The following INSR variants were observed in gnomAD, a reference collection of about 807,000 sequenced individuals.
INSR encodes insulin receptor, also known as IR.
In INSR, 67 loss-of-function variants were observed where a neutral mutation model predicts 142.6. The ratio of observed to expected loss-of-function variants is 0.47; its 90% CI spans 0.39 to 0.58. The LOEUF (loss-of-function observed/expected upper bound fraction) is 0.58, where lower values mean the gene tolerates loss of function less well. Ranked by LOEUF, INSR falls within the 20% of genes least tolerant of loss-of-function variation. The pLI is 0.00. For synonymous variants in INSR, 756 were observed against 743.1 expected (o/e 1.02, Z -0.28); for missense variants, 1,248 against 1,833.2 (o/e 0.68, Z 5.83).
chr19:7,206,677 CAGG>C (rs1011827823), intron 2 of INSR, among the ~76,000 whole-genome samples: 2 of 152,110 alleles, frequency 1.3e-5, no homozygotes, highest in Admixed American at 1.3e-4. Context: ...TGCAAGAACC[CAGG>C]AGGAGGAGGT....
intron 2 of INSR, among the ~76,000 whole-genome samples, chr19:7,198,507 C>CGGGAGGAGATCGG (rs1974856518): frequency 6.6e-6 from 1 of 152,156 alleles, no homozygotes. Context: ...GGCGTGTGCC[C>CGGGAGGAGATCGG]GGGAGGAGAT....
intron 9 of INSR, among the ~76,000 whole-genome samples, 186 bp from the exon 10 acceptor site, chr19:7,153,113 CAA>C: frequency 7.7e-6 from 1 of 129,410 alleles, no homozygotes; most frequent in African/African-American, 3.0e-5. Context: ...CACAAACACA[CAA>C]CCACACACAC....
intron 1 of INSR, among the ~76,000 whole-genome samples, chr19:7,277,075 A>G (rs1317340868): frequency 6.6e-6 from 1 of 152,008 alleles, no homozygotes; most frequent in East Asian, 1.9e-4. Flanking sequence ...AAACCTACAA[A>G]GAAGAGATGA....
intron 9 of INSR, among the ~76,000 whole-genome samples, chr19:7,156,700 T>TA (rs1487891401): frequency 1.3e-5 from 2 of 151,750 alleles, no homozygotes; most frequent in Admixed American, 1.3e-4. Context: ...AAAGGGAATT[T>TA]AAAAATTAAT....
chr19:7,222,030 A>G lies in INSR; in HGVS notation c.653-37393T>C, dbSNP rs1975637494. Among the ~76,000 whole-genome samples, 4 of 145,374 alleles carry G rather than the reference A, an allele frequency of 2.8e-5. No homozygotes were observed. The Admixed American group carries it at 2.8e-4, about 10-fold the overall frequency. ...CACCAGGCACATGATCCTCCTAGCA[A>G]TTTTTTCATTTTTCTGCACAGCACC... On this transcript the variant is annotated intron_variant, in intron 2 of 21. Coordinates refer to ENST00000302850, the MANE Select transcript of INSR (RefSeq NM_000208.4).
chr19:7,201,921 A>T (rs1022088256), intron 2 of INSR, among the ~76,000 whole-genome samples: 2 of 152,022 alleles, frequency 1.3e-5, no homozygotes, highest in African/African-American at 4.8e-5. Flanking sequence ...TCGGCCTCCC[A>T]AAGTGTTGGG....
At chr19:7,190,822 G>A (rs1042106192) in intron 2 of INSR, among the ~76,000 whole-genome samples, 1 of 152,104 alleles carries the variant, frequency 6.6e-6, no homozygotes, top group Non-Finnish European at 1.5e-5. Context: ...AAGTAATAGT[G>A]CACTGGACAT....
intron 2 of INSR, 150 bp from the exon 3 acceptor site, chr19:7,184,787 C>T (rs935653692): frequency 4.3e-5 from 22 of 506,504 alleles, no homozygotes; most frequent in African/African-American, 2.2e-4. Flanking sequence ...ACAGTAAAAG[C>T]GGCACGTCTA....
intron 3 of INSR, among the ~76,000 whole-genome samples, chr19:7,175,487 A>G (rs1280722960): frequency 6.6e-6 from 1 of 152,052 alleles, no homozygotes; most frequent in African/African-American, 2.4e-5. Flanking sequence ...CGGCATCCCT[A>G]GGCTCCACTC....
intron 1 of INSR, among the ~76,000 whole-genome samples, chr19:7,293,522 G>C (rs1298057012): frequency 6.6e-6 from 1 of 152,236 alleles, no homozygotes. Context: ...GCGCGCTCCA[G>C]AGAGGAGCCC....
At chr19:7,278,770 G>A (rs1968131067) in intron 1 of INSR, among the ~76,000 whole-genome samples, 1 of 152,150 alleles carries the variant, frequency 6.6e-6, no homozygotes, top group South Asian at 2.1e-4. Context: ...GAGGTGGGAG[G>A]ATCACCTGAG....
intron 2 of INSR, among the ~76,000 whole-genome samples, chr19:7,256,521 T>C (rs1976897437): frequency 6.6e-6 from 1 of 151,872 alleles, no homozygotes; most frequent in African/African-American, 2.4e-5. Flanking sequence ...ATGCAACAGT[T>C]TGGGAGGTTG....
intron 9 of INSR, among the ~76,000 whole-genome samples, chr19:7,153,325 C>A (rs1973477598): frequency 6.8e-6 from 1 of 147,478 alleles, no homozygotes; most frequent in Admixed American, 6.6e-5. Context: ...ACACACACCA[C>A]ACACACCCAC....
intron 2 of INSR, among the ~76,000 whole-genome samples, chr19:7,242,319 T>C (rs569901089): frequency 6.6e-6 from 1 of 151,452 alleles, no homozygotes; most frequent in Admixed American, 6.6e-5. Context: ...TGGTGTACTA[T>C]GGCTGTTTCT....
intron 9 of INSR, among the ~76,000 whole-genome samples, chr19:7,153,206 C>CCA (rs1568449600): frequency 1.8e-4 from 14 of 77,152 alleles, no homozygotes; most frequent in African/African-American, 2.9e-4. Flanking sequence ...ACCACACACA[C>CCA]CACACACCAC....
At chr19:7,217,801 C>T (rs537852855) in intron 2 of INSR, among the ~76,000 whole-genome samples, 52 of 152,330 alleles carry the variant, frequency 3.4e-4, no homozygotes, top group African/African-American at 1.3e-3. Flanking sequence ...CCTCGTGATC[C>T]ACCCGCCTTG....
At chr19:7,219,672 G>A (rs543391795) in intron 2 of INSR, among the ~76,000 whole-genome samples, 24 of 150,972 alleles carry the variant, frequency 1.6e-4, no homozygotes, top group Non-Finnish European at 2.8e-4. Flanking sequence ...GGGAAGGAAG[G>A]GAAAGAAAGA....
chr19:7,187,686 C>T (rs1189559199), intron 2 of INSR, among the ~76,000 whole-genome samples: 1 of 152,068 alleles, frequency 6.6e-6, no homozygotes, highest in Non-Finnish European at 1.5e-5. Context: ...GATCCTCCCA[C>T]CTCGGCCTCT....
rs541970389 is a variant in INSR at position 7,161,425 on chromosome 19, A to T, written c.2029+1607T>A. 1.8e-4 allele frequency among the ~76,000 whole-genome samples: 28 copies of T among 151,756 alleles called. 1 individual carries two copies. In the South Asian group the frequency reaches 5.4e-3, roughly 29 times the overall value. ...CAGGTGTACACCACCATTTTTTTAAATTTTTTTAGAGATGGGATCTTGCTA... is the reference window on the plus strand; with the variant it reads ...CAGGTGTACACCACCATTTTTTTAATTTTTTTTAGAGATGGGATCTTGCTA... On this transcript the variant is annotated intron_variant, in intron 9 of 21. Coordinates refer to ENST00000302850, the MANE Select transcript of INSR (RefSeq NM_000208.4).
Sources: gnomAD v4.1 joint callset for allele counts (sites outside exome capture counted in the v4.1 genomes callset) on GRCh38, gnomAD v4.1.1 for gene constraint, MANE v1.5 for transcripts, NCBI Gene and HGNC (gene_info 2026-07-23, HGNC 2026-07-21) for gene names.